KCNQ2: variants seen among roughly 807,000 people sequenced by gnomAD.
The protein encoded by KCNQ2 is potassium voltage-gated channel subfamily Q member 2.
KCNQ2 carries 14 observed loss-of-function variants against 84.8 expected under a neutral mutation model. The ratio of observed to expected loss-of-function variants is 0.17; its 90% CI spans 0.11 to 0.26. The LOEUF (loss-of-function observed/expected upper bound fraction) is 0.26. KCNQ2 is among the 10% of genes least tolerant of loss of function. The pLI is 1.00. For missense variants in KCNQ2, 788 were observed against 1,254.0 expected (o/e 0.63, Z 5.61); for synonymous variants, 599 against 554.1 (o/e 1.08, Z -1.14).
At position 63,458,395 on chromosome 20, in the gene KCNQ2, C is replaced by T. The variant is rs190626302; in HGVS notation, c.297-11558G>A. On this transcript the variant is annotated intron_variant, in intron 1 of 16. Transcript: ENST00000359125. ...CGCGACCCATCCACCCTGCTCCCCT[C>T]CTGCCCTCGGCAAACGCCGTCCCTG... 1.4e-3 allele frequency among the ~76,000 whole-genome samples: 207 copies of T among 152,292 alleles called. 1 individual carries two copies. The highest frequency in any genetic ancestry group is 4.7e-3 in the African/African-American group (196 of 41,562).
intron 1 of KCNQ2, among the ~76,000 whole-genome samples, chr20:63,469,920 G>C (rs942144322): frequency 1.3e-5 from 2 of 152,368 alleles, no homozygotes; most frequent in Admixed American, 6.5e-5. Context: ...TCTGGGAGCC[G>C]GGCGGTGAGC....
chr20:63,451,715 T>C (rs2081620740), intron 1 of KCNQ2, among the ~76,000 whole-genome samples: 1 of 152,080 alleles, frequency 6.6e-6, no homozygotes, highest in Non-Finnish European at 1.5e-5. Context: ...CCGGACCCAG[T>C]CATCTCCCCA....
chr20:63,421,681 G>A (rs1175650112), intron 11 of KCNQ2, among the ~76,000 whole-genome samples: 2 of 152,014 alleles, frequency 1.3e-5, no homozygotes, highest in Non-Finnish European at 2.9e-5. Context: ...GGGGGAGCCC[G>A]AACAGGCACG....
intron 9 of KCNQ2, among the ~76,000 whole-genome samples, chr20:63,430,318 C>T (rs923994811): frequency 6.6e-6 from 1 of 152,108 alleles, no homozygotes; most frequent in African/African-American, 2.4e-5. Flanking sequence ...AGCAGGGCCT[C>T]TGCAGACATT....
intron 7 of KCNQ2, chr20:63,434,250 C>T (rs1342001620): frequency 9.8e-6 from 3 of 305,042 alleles, no homozygotes; most frequent in Non-Finnish European, 1.8e-5. Context: ...TGGGGGTTAC[C>T]TTCCTGACCT....
intron 1 of KCNQ2, among the ~76,000 whole-genome samples, chr20:63,465,858 C>A (rs774394711): frequency 3.3e-5 from 5 of 152,188 alleles, no homozygotes; most frequent in Admixed American, 3.3e-4. Flanking sequence ...CGGGCACCGC[C>A]GTTTCCGCTC....
intron 12 of KCNQ2, among the ~76,000 whole-genome samples, chr20:63,418,859 A>G (rs1184148009): frequency 6.6e-6 from 1 of 151,986 alleles, no homozygotes; most frequent in East Asian, 1.9e-4. Context: ...GATAGGCAGC[A>G]TGCAGCCCCA....
At position 63,400,992 on chromosome 20, in the gene KCNQ2, C is replaced by G. The variant is rs935241613; in HGVS notation, c.*5652G>C. 2 of 397,142 alleles carry G rather than the reference C, an allele frequency of 5.0e-6. No individual in the cohort carries two copies. The highest frequency in any genetic ancestry group is 8.9e-6 in the Non-Finnish European group (2 of 225,574). The allele number at this position is 397,142 out of a possible 1,614,324, so 24.6% of individuals were successfully genotyped here. The stretch of plus-strand genomic sequence containing the variant: ...AAACCCAGGCGGAGTTGGCGTGTGG[C>G]GATGGCGATGTGCACGTGCCTGCCT... On this transcript the variant is annotated 3_prime_UTR_variant, in exon 17 of 17. Coordinates refer to ENST00000359125, the MANE Select transcript of KCNQ2 (RefSeq NM_172107.4). The surrounding 1 kb of genome is among the most constrained non-coding windows in gnomAD (Gnocchi z 8.7).
At chr20:63,459,610 G>A (rs1045847180) in intron 1 of KCNQ2, 4 of 152,200 alleles carry the variant, frequency 2.6e-5, no homozygotes, top group Non-Finnish European at 5.9e-5. Context: ...GATGGCAGAG[G>A]GCAAGAGTGT....
chr20:63,427,875 C>T (rs1467654297), intron 10 of KCNQ2, among the ~76,000 whole-genome samples: 1 of 152,136 alleles, frequency 6.6e-6, no homozygotes, highest in Non-Finnish European at 1.5e-5. Context: ...TTGGGGACGG[C>T]TCTGGGCCTG....
At position 63,446,433 on chromosome 20, in the gene KCNQ2, C is replaced by T. The variant is rs1223009295; in HGVS notation, c.387+314G>A. ...TGCTGGGGACGCCCCACATCTCCGG[C>T]TCCAGAGATAAAGTGGGGATGGGAA... On this transcript the variant is annotated intron_variant, in intron 2 of 16. Coordinates refer to ENST00000359125, the MANE Select transcript of KCNQ2 (RefSeq NM_172107.4). This position sits in a 1 kb window ranked among gnomAD's most constrained non-coding sequence, Gnocchi z 5.5. Among the ~76,000 whole-genome samples, 1 of 152,192 alleles carries T rather than the reference C, an allele frequency of 6.6e-6. No individual in the cohort carries two copies. Among genetic ancestry groups the T allele is most frequent in the Non-Finnish European group, 1.5e-5 (1 of 68,030 alleles).
chr20:63,446,686 G>T lies in KCNQ2; in HGVS notation c.387+61C>A. 1 of 1,389,478 alleles carries T rather than the reference G, an allele frequency of 7.2e-7. No homozygotes were observed. Among genetic ancestry groups the T allele is most frequent in the Non-Finnish European group, 1.0e-6 (1 of 976,840 alleles). 86.1% of individuals were successfully genotyped at this position (1,389,478 alleles called of 1,614,324 possible). ...GTAGTAACAGGAACGGAAGACAGAC[G>T]CCCAGGCAGCTCCAGCTCCTTCCTG... On this transcript the variant is annotated intron_variant, in intron 2 of 16. Transcript: ENST00000359125. The surrounding 1 kb of genome is among the most constrained non-coding windows in gnomAD (Gnocchi z 5.5).
Position 63,400,560 on chromosome 20 carries a change from G to A in KCNQ2, c.*6084C>T. On this transcript the variant is annotated 3_prime_UTR_variant, in exon 17 of 17. Coordinates refer to ENST00000359125, the MANE Select transcript of KCNQ2 (RefSeq NM_172107.4). This position sits in a 1 kb window ranked among gnomAD's most constrained non-coding sequence, Gnocchi z 8.7. ...CACAAGGACACATACAAAATGGTCA[G>A]AAGTGTACGTCGGTACTGAAGGCAT... The A allele has an allele frequency of 2.5e-6, 1 of 398,482 alleles. No individual in the cohort carries two copies. 24.7% of individuals were successfully genotyped at this position (398,482 alleles called of 1,614,324 possible).
rs1451150738 is a variant in KCNQ2, at chr20:63,424,231, T to C, written c.1218-25A>G. On this transcript the variant is annotated intron_variant, in intron 10 of 16. Coordinates refer to ENST00000359125, the MANE Select transcript of KCNQ2 (RefSeq NM_172107.4). The stretch of plus-strand genomic sequence containing the variant: ...CCTTCAAACAGAAGCAACAGAGAGT[T>C]AGTGGCCGCCCACTCAGCACCCATG... 11 of 1,552,632 alleles carry C rather than the reference T, an allele frequency of 7.1e-6. No individual in the cohort carries two copies. The Admixed American group carries it at 9.8e-5, about 14-fold the overall frequency.
chr20:63,400,696 G>T lies in KCNQ2; in HGVS notation c.*5948C>A, dbSNP rs370183580. On this transcript the variant is annotated 3_prime_UTR_variant, in exon 17 of 17. Transcript: ENST00000359125. The surrounding 1 kb of genome is among the most constrained non-coding windows in gnomAD (Gnocchi z 8.7). Reference sequence around the variant, plus strand: ...CCAGAGGATGGCAGACTGCAATGGCGTGGGGCGCGGGCATGGCGGGCACAC... The same window carrying T: ...CCAGAGGATGGCAGACTGCAATGGCTTGGGGCGCGGGCATGGCGGGCACAC... 2.5e-6 allele frequency: 1 copy of T among 398,666 alleles called. No homozygotes were observed. 24.7% of individuals were successfully genotyped at this position (398,666 alleles called of 1,614,324 possible).
At chr20:63,410,592 C>T (rs1433872604) in intron 15 of KCNQ2, among the ~76,000 whole-genome samples, 1 of 152,136 alleles carries the variant, frequency 6.6e-6, no homozygotes, top group African/African-American at 2.4e-5. Flanking sequence ...GCAGGGAACC[C>T]GGCAAACTCC....
intron 11 of KCNQ2, among the ~76,000 whole-genome samples, chr20:63,421,723 G>A (rs1411911541): frequency 6.6e-6 from 1 of 152,148 alleles, no homozygotes; most frequent in Non-Finnish European, 1.5e-5. Flanking sequence ...GGGGGCAGCC[G>A]GTGTTGGGGG....
chr20:63,463,597 C>G (rs140386659), intron 1 of KCNQ2: 1 of 152,262 alleles, frequency 6.6e-6, no homozygotes, highest in African/African-American at 2.4e-5. Flanking sequence ...GGCAGACATC[C>G]CAACCTCTCA....
At chr20:63,413,608 G>A (rs775728567) in intron 14 of KCNQ2, 27 bp from the exon 15 acceptor site, 18 of 1,609,198 alleles carry the variant, frequency 1.1e-5, no homozygotes, top group African/African-American at 2.7e-5. Context: ...GGGGCTGTGA[G>A]CCCTGGGCCA....
Sources: allele counts gnomAD v4.1 joint callset (sites outside exome capture counted in the v4.1 genomes callset), GRCh38; gene constraint gnomAD v4.1.1; non-coding constraint Gnocchi (gnomAD v3.1); transcripts MANE v1.5; gene names NCBI Gene and HGNC (gene_info 2026-07-23, HGNC 2026-07-21).